The following ZNF606 variants were observed in gnomAD, a reference collection of about 807,000 sequenced individuals.
ZNF606 encodes the protein zinc finger protein 606.
A neutral mutation model predicts 74.9 loss-of-function variants in ZNF606; 37 were observed. The ratio of observed to expected loss-of-function variants is 0.49; its 90% CI spans 0.38 to 0.65. ZNF606 has a LOEUF of 0.65. Ranked by LOEUF, ZNF606 falls within the 30% of genes least tolerant of loss-of-function variation. ZNF606 has a pLI of 0.00. For synonymous variants in ZNF606, 328 were observed against 312.4 expected, an observed-to-expected ratio of 1.05 and a Z score of -0.53; for missense variants, 852 against 952.9, an observed-to-expected ratio of 0.89 and a Z score of 1.39.
chr19:57,992,349 C>G (rs1283597775), intron 4 of ZNF606, among the ~76,000 whole-genome samples: 1 of 152,136 alleles, frequency 6.6e-6, no homozygotes, highest in African/African-American at 2.4e-5. Flanking sequence ...GTATGAAGAA[C>G]CCAGCACCAC....
chr19:57,979,033 A>G lies in ZNF606; in HGVS notation c.1647T>C (p.Phe549=). 2 of 1,613,852 alleles carry G rather than the reference A, an allele frequency of 1.2e-6. No homozygotes were observed. Among genetic ancestry groups the G allele is most frequent in the Non-Finnish European group, 1.7e-6 (2 of 1,179,932 alleles). The change falls in exon 7 of 7, where the codon TTT becomes TTC. Residue 549 remains phenylalanine (F), a synonymous_variant. Transcript: ENST00000551380. ...GTTTACTAAGGGCTGAGTAGTCCCT[A>G]AAAGCTTTTTCACATTCATCACATT... ...PFKCDECEKA[F]RDYSALSKHE... is the part of the protein sequence containing the mutation.
Position 58,001,379 on chromosome 19 carries a change from A to C in ZNF606, c.-51-9T>G. ...ACACAGCAAATCCCAACCTAGTGAC[A>C]AAAGTGAAAAAAGACAAAACTAGTC... On this transcript the variant is annotated splice_polypyrimidine_tract_variant and intron_variant, in intron 1 of 6. Coordinates refer to ENST00000551380, the MANE Select transcript of ZNF606 (RefSeq NM_001348022.3). The C allele has an allele frequency of 6.2e-7, 1 of 1,608,112 alleles. No individual in the cohort carries two copies.
At chr19:57,991,519 T>C (rs559812055) in intron 4 of ZNF606, among the ~76,000 whole-genome samples, 5 of 152,290 alleles carry the variant, frequency 3.3e-5, no homozygotes, top group Admixed American at 2.6e-4. Flanking sequence ...AAATGTAACA[T>C]GGAGTTGGGA....
chr19:58,000,626 C>G, intron 3 of ZNF606, 57 bp downstream of exon 3: 1 of 1,564,632 alleles, frequency 6.4e-7, no homozygotes, highest in Non-Finnish European at 8.8e-7. Context: ...TGTGGCAGAG[C>G]ACTACAGCCA....
At chr19:57,986,728 G>C (rs1349993454) in intron 6 of ZNF606, among the ~76,000 whole-genome samples, 1 of 152,072 alleles carries the variant, frequency 6.6e-6, no homozygotes, top group Non-Finnish European at 1.5e-5. Flanking sequence ...TATACACAAA[G>C]TTTTGGTATA....
intron 4 of ZNF606, among the ~76,000 whole-genome samples, chr19:57,996,225 G>C (rs961711566): frequency 1.3e-5 from 2 of 152,196 alleles, no homozygotes; most frequent in African/African-American, 4.8e-5. Flanking sequence ...AAGGGGACTG[G>C]GCACAATGGC....
chr19:57,982,828 A>T (rs1450377492), intron 6 of ZNF606, among the ~76,000 whole-genome samples: 1 of 152,002 alleles, frequency 6.6e-6, no homozygotes, highest in Non-Finnish European at 1.5e-5. Flanking sequence ...TAAATTTTTT[A>T]TAGTGACAGG....
intron 4 of ZNF606, among the ~76,000 whole-genome samples, chr19:57,993,763 T>C (rs1055625105): frequency 2.6e-5 from 4 of 152,212 alleles, no homozygotes; most frequent in Non-Finnish European, 4.4e-5. Context: ...GAAGGGAGTC[T>C]GTGGCCTCAC....
At chr19:57,998,324 C>T (rs1463465861) in intron 4 of ZNF606, 1 of 152,000 alleles carries the variant, frequency 6.6e-6, no homozygotes, top group African/African-American at 2.4e-5. Context: ...TCATTTTTTA[C>T]AATGTAATTA....
At chr19:57,993,623 G>A (rs2073293021) in intron 4 of ZNF606, among the ~76,000 whole-genome samples, 1 of 152,222 alleles carries the variant, frequency 6.6e-6, no homozygotes, top group Admixed American at 6.5e-5. Flanking sequence ...CCTGTGGGTA[G>A]TACTGCCAGC....
At chr19:57,998,593 TTTC>T (rs2073371758) in intron 4 of ZNF606, 2 of 152,142 alleles carry the variant, frequency 1.3e-5, no homozygotes, top group Non-Finnish European at 2.9e-5. Context: ...GGGTACAGGA[TTTC>T]TTTTTAGGGT....
In ZNF606 at chr19:57,979,575, C is replaced by G. The variant is rs2073048230; in HGVS notation, c.1105G>C (p.Glu369Gln). ...CATTCATTGTATTTATACGCTTTCT[C>G]TACAGTACCAATTTTTTGATGTTCC... ...FMEHQKIGTV[E>Q]KAYKYNEWEK... Residue 369 changes from glutamate to glutamine, a missense_variant, in exon 7 of 7, where the codon GAG becomes CAG. This residue lies in a region of ZNF606 where 545 missense variants were observed against 542.5 expected (regional missense o/e 1.00). Coordinates refer to ENST00000551380, the MANE Select transcript of ZNF606 (RefSeq NM_001348022.3). 1 of 1,612,998 alleles carries G rather than the reference C, an allele frequency of 6.2e-7. No individual in the cohort carries two copies. Among genetic ancestry groups the G allele is most frequent in the Non-Finnish European group, 8.5e-7 (1 of 1,179,836 alleles).
chr19:57,980,316 G>A (rs1034018738), intron 6 of ZNF606, 37 bp from the exon 7 acceptor site: 7 of 1,549,504 alleles, frequency 4.5e-6, no homozygotes, highest in Non-Finnish European at 6.1e-6. Context: ...AGAGCATAGA[G>A]AAAGACATTA....
intron 1 of ZNF606, among the ~76,000 whole-genome samples, 178 bp from the exon 2 acceptor site, chr19:58,001,548 T>C (rs2073428899): frequency 6.6e-6 from 1 of 152,202 alleles, no homozygotes; most frequent in Non-Finnish European, 1.5e-5. Flanking sequence ...AAAGGTAATT[T>C]GCATAAGCTG....
chr19:57,978,309 G>T lies in ZNF606; in HGVS notation c.2371C>A (p.Leu791Met). The change falls in exon 7 of 7, where the codon CTG (leucine) becomes ATG (methionine). Residue 791 changes from leucine (L) to methionine (M), a missense_variant. Physicochemically the swap from Leu to Met is conservative, Grantham distance 15. Around this residue, in one of 3 missense-constraint regions of ZNF606, gnomAD observed 64 missense variants for 51.1 expected, o/e 1.25. Transcript: ENST00000551380. This position sits in a 1 kb window ranked among gnomAD's most constrained non-coding sequence, Gnocchi z 4.4. ...GAAAAACTCGCATAAATTCAATTCA[G>T]TTTCTCTTCACTGTGATTTCTCTGG... ...QHQRNHSEEK[L>M]N 1 of 1,560,584 alleles carries T rather than the reference G, an allele frequency of 6.4e-7. No homozygotes were observed. The highest frequency in any genetic ancestry group is 2.0e-5 in the Admixed American group (1 of 49,994).
At chr19:57,994,451 AAGAT>A (rs1289896482) in intron 4 of ZNF606, among the ~76,000 whole-genome samples, 3 of 152,218 alleles carry the variant, frequency 2.0e-5, no homozygotes, top group Admixed American at 6.5e-5. Context: ...GCCATAAACA[AAGAT>A]AGACACATTT....
At position 57,999,432 on chromosome 19, in the gene ZNF606, G is replaced by A. The variant is rs181808250; in HGVS notation, c.177+376C>T. ...GGGTCTGGGAGCTCCTCAGGGTGAA[G>A]GCTCACACCTGTCCTTGTTCCCTTC... On this transcript the variant is annotated intron_variant, in intron 4 of 6. Coordinates refer to ENST00000551380, the MANE Select transcript of ZNF606 (RefSeq NM_001348022.3). 84 of 301,594 alleles carry A rather than the reference G, an allele frequency of 2.8e-4. 1 individual carries two copies. The highest frequency in any genetic ancestry group is 1.7e-3 in the African/African-American group (81 of 47,008). 18.7% of individuals were successfully genotyped at this position (301,594 alleles called of 1,614,324 possible).
At chr19:57,996,507 AAAAT>A (rs1189962240) in intron 4 of ZNF606, among the ~76,000 whole-genome samples, 1 of 152,334 alleles carries the variant, frequency 6.6e-6, no homozygotes, top group Non-Finnish European at 1.5e-5. Context: ...CTCAAAAATA[AAAAT>A]AAATAAATGG....
intron 6 of ZNF606, among the ~76,000 whole-genome samples, chr19:57,983,962 G>T (rs752427612): frequency 3.0e-4 from 46 of 152,228 alleles, no homozygotes; most frequent in Admixed American, 5.2e-4. Flanking sequence ...CATAATCAAA[G>T]ATTTCAGGGA....
Sources: allele counts gnomAD v4.1 joint callset (sites outside exome capture counted in the v4.1 genomes callset), GRCh38; gene constraint gnomAD v4.1.1; regional missense constraint gnomAD v4.1.1; non-coding constraint Gnocchi (gnomAD v3.1); transcripts MANE v1.5; gene names NCBI Gene and HGNC (gene_info 2026-07-23, HGNC 2026-07-21).